Variants in KALRN observed in about 807,000 individuals in gnomAD.
KALRN encodes kalirin.
In KALRN, 70 loss-of-function variants were observed where a neutral mutation model predicts 353.7. The observed-to-expected ratio is 0.20, with a 90% CI of 0.16 to 0.24. The LOEUF is 0.24. Among genes scored for constraint, KALRN ranks in the 10% least tolerant of loss-of-function variants. KALRN has a pLI of 1.00. For synonymous variants in KALRN, 1,391 were observed against 1,434.8 expected, an observed-to-expected ratio of 0.97 and a Z score of 0.69; for missense variants, 2,791 against 3,756.7, an observed-to-expected ratio of 0.74 and a Z score of 6.72.
At chr3:124,316,540 C>G (rs2078830565) in intron 6 of KALRN, among the ~76,000 whole-genome samples, 1 of 152,230 alleles carries the variant, frequency 6.6e-6, no homozygotes, top group Admixed American at 6.5e-5. Flanking sequence ...AAAGACATTC[C>G]TGCCTCACGG....
chr3:124,107,038 T>G (rs987225730), intron 1 of KALRN, among the ~76,000 whole-genome samples: 2 of 152,206 alleles, frequency 1.3e-5, no homozygotes, highest in Non-Finnish European at 2.9e-5. Flanking sequence ...TCTCCTGGGC[T>G]GTTGCAGAAT....
In KALRN at chr3:124,724,344, C is replaced by T. The variant is rs1046634312; in HGVS notation, c.*4874C>T. 11 of 152,128 alleles carry T rather than the reference C, an allele frequency of 7.2e-5. No individual in the cohort carries two copies. The highest frequency in any genetic ancestry group is 2.9e-5 in the Non-Finnish European group (2 of 68,010). 9.4% of individuals were successfully genotyped at this position (152,128 alleles called of 1,614,324 possible). A position where few individuals can be genotyped will look rare whatever the true frequency, so the allele number is the denominator to read the frequency against. On this transcript the variant is annotated 3_prime_UTR_variant, in exon 60 of 60. Transcript: ENST00000682506. ...TCAATGAATTGTGCTGGATGAGTTT[C>T]GAGGAATGTAGACCTTCTTCCTTTC...
intron 18 of KALRN, among the ~76,000 whole-genome samples, chr3:124,440,495 G>T (rs2093633399): frequency 6.6e-6 from 1 of 151,904 alleles, no homozygotes; most frequent in African/African-American, 2.4e-5. Context: ...GTTTTATTCA[G>T]GAGCCTCTGT....
chr3:124,289,091 A>G (rs974873440), intron 5 of KALRN, among the ~76,000 whole-genome samples: 2 of 152,190 alleles, frequency 1.3e-5, no homozygotes, highest in Non-Finnish European at 2.9e-5. Context: ...GCATCATAAC[A>G]TGGCAGAAGG....
intron 1 of KALRN, among the ~76,000 whole-genome samples, chr3:124,220,540 G>A (rs1002799873): frequency 4.6e-5 from 7 of 152,146 alleles, no homozygotes; most frequent in African/African-American, 1.7e-4. Context: ...AAAGAAGGGA[G>A]AATGAAGGGA....
Position 124,619,154 on chromosome 3 carries a change from A to G in KALRN, c.5183-13266A>G, listed in dbSNP as rs556493017. Among the ~76,000 whole-genome samples, 8 of 149,106 alleles carry G rather than the reference A, an allele frequency of 5.4e-5. No individual in the cohort carries two copies. The East Asian group carries it at 1.6e-3, about 29-fold the overall frequency. ...TTTTTTTTTTTTTAAGATTCCACAT[A>G]TAAGGGAGATCATGCAATAGTTTTC... On this transcript the variant is annotated intron_variant, in intron 34 of 59. Coordinates refer to ENST00000682506, the MANE Select transcript of KALRN (RefSeq NM_001388419.1).
intron 11 of KALRN, among the ~76,000 whole-genome samples, chr3:124,389,728 A>G (rs1276224597): frequency 6.6e-6 from 1 of 152,240 alleles, no homozygotes; most frequent in Non-Finnish European, 1.5e-5. Flanking sequence ...CTGTATATCC[A>G]GTACAACACA....
At chr3:124,074,553 G>T (rs370280821) in intron 1 of KALRN, among the ~76,000 whole-genome samples, 15 of 152,194 alleles carry the variant, frequency 9.9e-5, no homozygotes, top group East Asian at 3.9e-4. Flanking sequence ...GGAGAGAGGA[G>T]ACTAAGGAAC....
At chr3:124,365,402 A>G (rs2084554988) in intron 10 of KALRN, among the ~76,000 whole-genome samples, 1 of 152,200 alleles carries the variant, frequency 6.6e-6, no homozygotes, top group Admixed American at 6.5e-5. Flanking sequence ...GTATGGTTCT[A>G]GGGCTAGTCT....
At position 124,279,098 on chromosome 3, in the gene KALRN, C is replaced by T. The variant is rs181988389; in HGVS notation, c.969+9843C>T. 2.4e-4 allele frequency among the ~76,000 whole-genome samples: 36 copies of T among 152,254 alleles called. 1 individual carries two copies. The East Asian group carries it at 6.8e-3, about 29-fold the overall frequency. ...CTTCCTTTTCCATTCCTGCTTCCTT[C>T]CTTGGTCAGAGTTAAGGAAGAGCCC... On this transcript the variant is annotated intron_variant, in intron 5 of 59. Transcript: ENST00000682506.
intron 33 of KALRN, among the ~76,000 whole-genome samples, chr3:124,506,395 G>A (rs192996922): frequency 1.2e-4 from 18 of 152,284 alleles, no homozygotes; most frequent in Non-Finnish European, 2.1e-4. Flanking sequence ...CTGGCAGTTT[G>A]TTTTCAGTCT....
At chr3:124,312,452 C>T (rs1056963079) in intron 6 of KALRN, among the ~76,000 whole-genome samples, 3 of 152,264 alleles carry the variant, frequency 2.0e-5, no homozygotes, top group Admixed American at 6.5e-5. Flanking sequence ...TGAGCCACTG[C>T]GCCCAGTCTG....
chr3:124,713,844 A>G (rs2063005365), intron 58 of KALRN, among the ~76,000 whole-genome samples: 1 of 152,170 alleles, frequency 6.6e-6, no homozygotes, highest in Non-Finnish European at 1.5e-5. Context: ...GGAGACAGAC[A>G]TTTCCGCCAA....
intron 34 of KALRN, among the ~76,000 whole-genome samples, chr3:124,596,463 G>A (rs1051606717): frequency 2.0e-5 from 3 of 151,982 alleles, no homozygotes; most frequent in African/African-American, 7.3e-5. Flanking sequence ...GCAAGACTCC[G>A]TCTTAAAAAC....
intron 57 of KALRN, among the ~76,000 whole-genome samples, chr3:124,707,394 TTTCCTTCCTTCCTTCCTTCC>T (rs368400674): frequency 0.11 from 15,579 of 140,780 alleles, 895 homozygotes; most frequent in African/African-American, 0.14. Context: ...AGAATAGCAG[TTTCCTTCCTTCCTTCCTTCC>T]TTCCTTCCTT....
Position 124,495,978 on chromosome 3 carries a change from T to TGTATATATATATATATATATACAC in KALRN, c.4833-333_4833-332insGTATATATATATATATATATACAC, listed in dbSNP as rs1561136282. ...ATGTGTATGTATGTATATATATATA[T>TGTATATATATATATATATATACAC]ATATATATATATATATATATATATA... On this transcript the variant is annotated intron_variant, in intron 32 of 59. Coordinates refer to ENST00000682506, the MANE Select transcript of KALRN (RefSeq NM_001388419.1). 5.7e-4 allele frequency among the ~76,000 whole-genome samples: 15 copies of TGTATATATATATATATATATACAC among 26,494 alleles called. 1 individual carries two copies. The South Asian group carries it at 0.01, about 18-fold the overall frequency. 17.4% of individuals were successfully genotyped at this position (26,494 alleles called of 152,430 possible). A position where few individuals can be genotyped will look rare whatever the true frequency, so the allele number is the denominator to read the frequency against.
chr3:124,658,365 C>A, intron 41 of KALRN, 66 bp from the exon 42 acceptor site: 1 of 1,215,952 alleles, frequency 8.2e-7, no homozygotes, highest in Non-Finnish European at 1.2e-6. Flanking sequence ...GCCAGCACGG[C>A]ACTCTGAGAT....
chr3:124,156,482 C>T (rs949964663), intron 1 of KALRN, among the ~76,000 whole-genome samples: 15 of 152,128 alleles, frequency 9.9e-5, no homozygotes, highest in African/African-American at 3.6e-4. Context: ...TCCTGTTCCC[C>T]GCCATGTTAG....
chr3:124,518,290 A>G (rs760173744), intron 33 of KALRN: 7 of 905,644 alleles, frequency 7.7e-6, no homozygotes, highest in Non-Finnish European at 1.3e-5. Context: ...CTAGAAATAC[A>G]GTAGGTTGCA....
Sources: gnomAD v4.1 joint callset for allele counts (sites outside exome capture counted in the v4.1 genomes callset) on GRCh38, gnomAD v4.1.1 for gene constraint, MANE v1.5 for transcripts, NCBI Gene and HGNC (gene_info 2026-07-23, HGNC 2026-07-21) for gene names.